The following HMCN1 variants were observed in gnomAD, a reference collection of about 807,000 sequenced individuals.
HMCN1 encodes hemicentin-1.
In HMCN1, 321 loss-of-function variants were observed where a neutral mutation model predicts 625.9. The observed-to-expected ratio is 0.51, with a 90% CI of 0.47 to 0.56. HMCN1 has a LOEUF of 0.56. HMCN1 is among the 20% of genes least tolerant of loss of function. The pLI, the probability that HMCN1 is intolerant of heterozygous loss-of-function variation, is 0.00. For synonymous variants in HMCN1, 2,425 were observed against 2,417.6 expected (o/e 1.00, Z -0.09); for missense variants, 6,588 against 6,887.3 (o/e 0.96, Z 1.54).
intron 1 of HMCN1, among the ~76,000 whole-genome samples, chr1:185,842,945 C>T (rs1375617520): frequency 2.0e-5 from 3 of 152,074 alleles, no homozygotes; most frequent in African/African-American, 4.8e-5. Flanking sequence ...GCATAAAATA[C>T]GTTAGCAGTT....
chr1:186,128,032 T>C, intron 82 of HMCN1, 46 bp from the exon 83 acceptor site: 4 of 1,521,450 alleles, frequency 2.6e-6, no homozygotes, highest in Non-Finnish European at 3.6e-6. Flanking sequence ...TTATGTACTA[T>C]GATGGATGAT....
At chr1:185,776,762 G>T (rs1656642322) in intron 1 of HMCN1, among the ~76,000 whole-genome samples, 1 of 152,082 alleles carries the variant, frequency 6.6e-6, no homozygotes, top group Admixed American at 6.5e-5. Context: ...AATATGAATG[G>T]CATGTATGTT....
chr1:185,832,013 T>G (rs76094960), intron 1 of HMCN1, among the ~76,000 whole-genome samples: 16,201 of 152,060 alleles, frequency 0.11, 2,777 homozygotes, highest in African/African-American at 0.36. Context: ...AAGTTGATAA[T>G]GGCCGGGCGT....
At position 186,189,719 on chromosome 1, in the gene HMCN1, G is replaced by A. The variant is rs1653595156; in HGVS notation, c.16749G>A (p.Arg5583=). ...DEEQTVPFAL[R]DENLKGVVYT... ...AACAGACTGTTCCTTTTGCCTTGAG[G>A]GATGAAAACCTGAAAGGAGTGGTGT... The change falls in exon 107 of 107, where the codon AGG becomes AGA. Residue 5583 remains arginine, a synonymous_variant. Transcript: ENST00000271588. 2 of 1,613,404 alleles carry A rather than the reference G, an allele frequency of 1.2e-6. No homozygotes were observed. Among genetic ancestry groups the A allele is most frequent in the Non-Finnish European group, 8.5e-7 (1 of 1,179,660 alleles).
rs928393694 is a variant in HMCN1, at chr1:185,734,613, G to GT, written c.-164dup. On this transcript the variant is annotated 5_prime_UTR_variant, in exon 1 of 107. Coordinates refer to ENST00000271588, the MANE Select transcript of HMCN1 (RefSeq NM_031935.3). ...CTGCCCAACCCCTGGAGGGATTCGA[G>GT]TTTGGTGCTTGTCCCCGTCTGATTC... The GT allele has an allele frequency of 5.4e-5, 37 of 681,328 alleles. 1 individual carries two copies. The allele number at this position is 681,328 out of a possible 1,614,324, so 42.2% of individuals were successfully genotyped here.
intron 36 of HMCN1, among the ~76,000 whole-genome samples, chr1:186,028,725 A>ATT (rs11415987): frequency 0.054 from 7,475 of 137,722 alleles, 352 homozygotes; most frequent in African/African-American, 0.11. Context: ...TCTAAAGCAT[A>ATT]TTTTTTTTTT....
At chr1:186,090,031 T>G (rs990370416) in intron 63 of HMCN1, among the ~76,000 whole-genome samples, 3 of 151,962 alleles carry the variant, frequency 2.0e-5, no homozygotes, top group Non-Finnish European at 1.5e-5. Flanking sequence ...AAAGGGATGT[T>G]ACTGAACATG....
chr1:186,036,779 A>T (rs896917879), intron 36 of HMCN1, among the ~76,000 whole-genome samples: 6 of 151,754 alleles, frequency 4.0e-5, no homozygotes, highest in Admixed American at 2.6e-4. Flanking sequence ...TTTAGTAGAG[A>T]TGGGATTTCA....
intron 4 of HMCN1, among the ~76,000 whole-genome samples, chr1:185,902,764 A>G (rs926393031): frequency 2.6e-5 from 4 of 151,708 alleles, no homozygotes; most frequent in Non-Finnish European, 5.9e-5. Flanking sequence ...GTAGCCAGCG[A>G]TAAGACCATA....
Position 185,933,819 on chromosome 1 carries a change from T to G in HMCN1, c.1823T>G (p.Val608Gly). The G allele has an allele frequency of 6.2e-7, 1 of 1,613,552 alleles. No homozygotes were observed. Among genetic ancestry groups the G allele is most frequent in the South Asian group, 1.1e-5 (1 of 91,070 alleles). The change falls in exon 11 of 107, where the codon GTG (valine) becomes GGG (glycine). Residue 608 changes from valine (V) to glycine (G), a missense_variant. Physicochemically the swap from Val to Gly is moderately radical, Grantham distance 109. Transcript: ENST00000271588. ...TCAGCCGCTTCAGTTTTCCTCACAGTGCAAGGTACAGTGCTTTGGTAACTT... is the reference window on the plus strand; with the variant it reads ...TCAGCCGCTTCAGTTTTCCTCACAGGGCAAGGTACAGTGCTTTGGTAACTT... ...GSSAASVFLT[V>G]QEPPKVTVMP...
intron 52 of HMCN1, among the ~76,000 whole-genome samples, chr1:186,073,233 A>G (rs772377839): frequency 7.2e-5 from 11 of 152,164 alleles, no homozygotes; most frequent in Non-Finnish European, 1.3e-4. Flanking sequence ...AACTCTGTTA[A>G]ATGATACTGA....
rs1157100795 is a variant in HMCN1 at position 186,189,816 on chromosome 1, G to C, written c.16846G>C (p.Gly5616Arg). ...CCGAGCCTCATCCTACAGTGCCAAT[G>C]GGACCATTGAATATCAGACCACATT... ...RVRASSYSAN[G>R]TIEYQTTFIV... The change falls in exon 107 of 107, where the codon GGG becomes CGG. Residue 5616 changes from glycine to arginine, a missense_variant. Transcript: ENST00000271588. The C allele has an allele frequency of 6.2e-7, 1 of 1,613,656 alleles. No homozygotes were observed. The highest frequency in any genetic ancestry group is 1.1e-5 in the South Asian group (1 of 91,058).
intron 81 of HMCN1, 86 bp from the exon 82 acceptor site, chr1:186,125,518 G>T: frequency 2.9e-6 from 3 of 1,021,724 alleles, no homozygotes; most frequent in East Asian, 2.4e-5. Flanking sequence ...ACCCTGAAAA[G>T]AGTTTTTTAT....
At chr1:185,918,514 C>CCCT (rs1666842271) in intron 6 of HMCN1, among the ~76,000 whole-genome samples, 1 of 152,158 alleles carries the variant, frequency 6.6e-6, no homozygotes, top group African/African-American at 2.4e-5. Flanking sequence ...TTTGGCAACA[C>CCCT]CCTCACAGAT....
In HMCN1 at chr1:185,970,425, G is replaced by A. The variant is rs1650731091; in HGVS notation, c.2303G>A (p.Gly768Asp). The A allele has an allele frequency of 6.2e-7, 1 of 1,613,770 alleles. No homozygotes were observed. Among genetic ancestry groups the A allele is most frequent in the Non-Finnish European group, 8.5e-7 (1 of 1,179,724 alleles). ...CAAGAAACACAAGATCTGGATGCTG[G>A]CGATTATACCTGTGTAGCCATCAAT... ...KIQETQDLDA[G>D]DYTCVAINEA... Residue 768 changes from glycine to aspartate, a missense_variant, in exon 15 of 107, where the codon GGC becomes GAC. This residue lies in a region of HMCN1 where 4,628 missense variants were observed against 4,853.1 expected (regional missense o/e 0.95). Transcript: ENST00000271588.
intron 14 of HMCN1, 37 bp downstream of exon 14, chr1:185,965,952 A>C (rs368089540): frequency 1.7e-6 from 2 of 1,200,256 alleles, no homozygotes; most frequent in African/African-American, 3.0e-5. Flanking sequence ...TGGTTCACTT[A>C]GTTTTGTTTT....
intron 97 of HMCN1, among the ~76,000 whole-genome samples, chr1:186,161,328 T>A (rs1651461292): frequency 6.6e-6 from 1 of 151,812 alleles, no homozygotes; most frequent in Non-Finnish European, 1.5e-5. Context: ...GCATGTGAGA[T>A]GGGTTTCCTG....
chr1:186,049,420 A>G (rs528400172), intron 42 of HMCN1, among the ~76,000 whole-genome samples: 2 of 151,080 alleles, frequency 1.3e-5, no homozygotes, highest in South Asian at 2.1e-4. Flanking sequence ...ACTTTAAAAA[A>G]CTCATTTATA....
intron 4 of HMCN1, among the ~76,000 whole-genome samples, chr1:185,881,232 G>C (rs1000506614): frequency 7.2e-5 from 11 of 152,222 alleles, no homozygotes; most frequent in Non-Finnish European, 1.3e-4. Context: ...CAGGAAAAAT[G>C]AAGTTGCATG....
Sources: allele counts gnomAD v4.1 joint callset (sites outside exome capture counted in the v4.1 genomes callset), GRCh38; gene constraint gnomAD v4.1.1; regional missense constraint gnomAD v4.1.1; transcripts MANE v1.5; gene names NCBI Gene and HGNC (gene_info 2026-07-23, HGNC 2026-07-21).